The following STK3 variants were observed in gnomAD, a reference collection of about 807,000 sequenced individuals.
STK3 encodes serine/threonine kinase 3.
STK3 carries 41 observed loss-of-function variants against 58.0 expected under a neutral mutation model. That is an observed-to-expected ratio of 0.71 (90% CI 0.55 to 0.92). The LOEUF (loss-of-function observed/expected upper bound fraction) is 0.92, where lower values mean the gene tolerates loss of function less well. STK3 is among the 40% of genes least tolerant of loss of function. The pLI is 0.00. For missense variants in STK3, 479 were observed against 602.7 expected (o/e 0.79, Z 2.15); for synonymous variants, 170 against 191.0 (o/e 0.89, Z 0.91).
chr8:98,899,450 CTTG>C (rs1383829809), intron 1 of STK3, among the ~76,000 whole-genome samples: 4 of 151,980 alleles, frequency 2.6e-5, no homozygotes, highest in Non-Finnish European at 5.9e-5. Context: ...GACTTTTTTT[CTTG>C]TTGTGATTTC....
At chr8:98,919,761 AT>A (rs1422152677) in intron 1 of STK3, among the ~76,000 whole-genome samples, 1 of 152,196 alleles carries the variant, frequency 6.6e-6, no homozygotes, top group Non-Finnish European at 1.5e-5. Context: ...TACTTTGTAT[AT>A]GTTTAGAATT....
intron 9 of STK3, among the ~76,000 whole-genome samples, chr8:98,529,448 C>T (rs10100378): frequency 0.41 from 62,850 of 151,634 alleles, 13,168 homozygotes; most frequent in Admixed American, 0.54. Context: ...ATTTATTCAT[C>T]AAAAGAATTC....
At chr8:98,497,470 T>C (rs1288781398) in intron 10 of STK3, among the ~76,000 whole-genome samples, 2 of 151,962 alleles carry the variant, frequency 1.3e-5, no homozygotes, top group African/African-American at 4.8e-5. Context: ...AATTTAAAAA[T>C]GTGCTTCAAA....
chr8:98,696,601 T>C (rs1274480439), intron 6 of STK3, among the ~76,000 whole-genome samples: 6 of 152,340 alleles, frequency 3.9e-5, no homozygotes, highest in African/African-American at 1.4e-4. Context: ...CTTTTCTGCA[T>C]CTATTGAGAT....
At chr8:98,619,706 C>T (rs1818094901) in intron 6 of STK3, among the ~76,000 whole-genome samples, 2 of 143,654 alleles carry the variant, frequency 1.4e-5, no homozygotes, top group Non-Finnish European at 3.0e-5. Flanking sequence ...CCAAAAAATA[C>T]ATGAAAAAAT....
intron 9 of STK3, among the ~76,000 whole-genome samples, chr8:98,527,577 G>A (rs1460653916): frequency 1.3e-5 from 2 of 151,970 alleles, no homozygotes; most frequent in Middle Eastern, 3.2e-3. Flanking sequence ...CTATGATTGT[G>A]CCACTGCACT....
chr8:98,344,623 G>A, the STK3 span, among the ~76,000 whole-genome samples: 3 of 152,102 alleles, frequency 2.0e-5, no homozygotes, highest in Non-Finnish European at 4.4e-5. Flanking sequence ...GCCGGGCGCG[G>A]TGGCTCACGC....
chr8:98,869,089 A>AGGAAGG (rs1435846298), intron 3 of STK3, among the ~76,000 whole-genome samples: 1 of 143,066 alleles, frequency 7.0e-6, no homozygotes, highest in African/African-American at 2.9e-5. Flanking sequence ...GAAGGAGAGA[A>AGGAAGG]AGAGAAAATA....
At chr8:98,370,917 A>G (rs1392424846), downstream of STK3, among the ~76,000 whole-genome samples, 2 of 152,180 alleles carry the variant, frequency 1.3e-5, no homozygotes, top group Non-Finnish European at 2.9e-5. Flanking sequence ...GGACCATACA[A>G]AATATTGTAA....
chr8:98,553,005 T>G (rs565453477), intron 8 of STK3, among the ~76,000 whole-genome samples: 5 of 152,106 alleles, frequency 3.3e-5, no homozygotes, highest in Admixed American at 6.6e-5. Flanking sequence ...GACAATCTAT[T>G]AAGTGCTACA....
At chr8:98,588,577 T>C (rs1814907495) in intron 7 of STK3, among the ~76,000 whole-genome samples, 1 of 152,174 alleles carries the variant, frequency 6.6e-6, no homozygotes, top group Non-Finnish European at 1.5e-5. Flanking sequence ...ATTATGTGTC[T>C]TGGAGTTGCT....
chr8:98,728,354 C>T (rs1827932633), intron 4 of STK3, among the ~76,000 whole-genome samples: 1 of 152,146 alleles, frequency 6.6e-6, no homozygotes, highest in African/African-American at 2.4e-5. Flanking sequence ...AATATTTTAA[C>T]CATTATTCGA....
At chr8:98,690,621 C>A (rs1824333530) in intron 6 of STK3, among the ~76,000 whole-genome samples, 1 of 152,074 alleles carries the variant, frequency 6.6e-6, no homozygotes, top group Non-Finnish European at 1.5e-5. Context: ...GTCATACTGC[C>A]CAAAGCAATC....
chr8:98,363,930 A>G, the STK3 span, among the ~76,000 whole-genome samples: 1 of 152,178 alleles, frequency 6.6e-6, no homozygotes, highest in African/African-American at 2.4e-5. Context: ...GCCAGGCAGG[A>G]TGGGAGGGGA....
chr8:98,853,818 G>T (rs1227308400), intron 3 of STK3, among the ~76,000 whole-genome samples: 1 of 152,168 alleles, frequency 6.6e-6, no homozygotes, highest in African/African-American at 2.4e-5. Context: ...GATGAATTAG[G>T]AATTAGTAAT....
intron 7 of STK3, among the ~76,000 whole-genome samples, chr8:98,585,228 G>C (rs940386396): frequency 1.3e-5 from 2 of 151,600 alleles, no homozygotes; most frequent in Non-Finnish European, 3.0e-5. Context: ...TATGGTTTTA[G>C]GTCTAACGTT....
At chr8:98,364,732 C>T in the STK3 span, among the ~76,000 whole-genome samples, 1 of 152,210 alleles carries the variant, frequency 6.6e-6, no homozygotes, top group Non-Finnish European at 1.5e-5. Flanking sequence ...CGGGGTGACT[C>T]CTGTGGACTA....
At chr8:98,742,605 A>G (rs1367941540) in intron 4 of STK3, among the ~76,000 whole-genome samples, 2 of 134,934 alleles carry the variant, frequency 1.5e-5, no homozygotes, top group Non-Finnish European at 3.2e-5. Flanking sequence ...GCTATCTATG[A>G]CAAACCCACA....
chr8:98,817,695 C>T (rs1229427074), intron 1 of STK3, among the ~76,000 whole-genome samples: 1 of 152,160 alleles, frequency 6.6e-6, no homozygotes, highest in Non-Finnish European at 1.5e-5. Flanking sequence ...TCATTCCCCA[C>T]ATCTAGTCTA....
Sources: allele counts gnomAD v4.1 joint callset (sites outside exome capture counted in the v4.1 genomes callset), GRCh38; gene constraint gnomAD v4.1.1; transcripts MANE v1.5; gene names NCBI Gene and HGNC (gene_info 2026-07-23, HGNC 2026-07-21).